Variants in RBFOX1 observed in about 807,000 individuals in gnomAD.
The protein encoded by RBFOX1 is RNA binding fox-1 homolog 1, also known as RNA binding protein fox-1 homolog 1.
A neutral mutation model predicts 57.7 loss-of-function variants in RBFOX1; 8 were observed. The observed-to-expected ratio is 0.14, with a 90% CI of 0.08 to 0.25. The LOEUF (loss-of-function observed/expected upper bound fraction) is 0.25, where lower values mean the gene tolerates loss of function less well. Ranked by LOEUF, RBFOX1 falls within the 10% of genes least tolerant of loss-of-function variation. The pLI is 1.00. For missense variants in RBFOX1, 611 were observed against 548.5 expected, an observed-to-expected ratio of 1.11 and a Z score of -1.14; for synonymous variants, 326 against 222.4, an observed-to-expected ratio of 1.47 and a Z score of -4.15.
intron 1 of RBFOX1, among the ~76,000 whole-genome samples, chr16:6,106,567 G>C (rs1426307603): frequency 6.6e-6 from 1 of 152,110 alleles, no homozygotes; most frequent in Non-Finnish European, 1.5e-5. Flanking sequence ...GACGGTCATG[G>C]ACTTTCGTTC....
rs79164968 is a variant in RBFOX1, at chr16:5,549,307, G to C, written c.259-49595G>C. Among the ~76,000 whole-genome samples the C allele has an allele frequency of 9.0e-3, 1,375 of 152,312 alleles. 10 individuals carry two copies. The highest frequency in any genetic ancestry group is 0.015 in the Non-Finnish European group (1,028 of 68,024). On this transcript the variant is annotated intron_variant, in intron 2 of 2. Transcript: ENST00000585867. ...TCACTCTCTGAGCTTGACTGTTCTT[G>C]GTTGAACTTTGCTTTCTCTCCTGGG...
intron 3 of RBFOX1, among the ~76,000 whole-genome samples, chr16:6,781,068 C>G (rs2080937772): frequency 2.6e-5 from 4 of 152,130 alleles, no homozygotes; most frequent in Admixed American, 2.6e-4. Context: ...AGTATTTACC[C>G]ACACCCATGT....
chr16:7,414,292 C>T (rs1568740338), intron 4 of RBFOX1, among the ~76,000 whole-genome samples: 2 of 152,106 alleles, frequency 1.3e-5, no homozygotes, highest in African/African-American at 4.8e-5. Flanking sequence ...ACAAGGAACT[C>T]TATGTTCACT....
intron 2 of RBFOX1, among the ~76,000 whole-genome samples, chr16:6,636,767 A>AATCTATGTT (rs1567981190): frequency 3.0e-5 from 1 of 32,902 alleles, no homozygotes; most frequent in Non-Finnish European, 5.6e-5. Flanking sequence ...TTATATATAT[A>AATCTATGTT]ATATATAATA....
At position 6,891,119 on chromosome 16, in the gene RBFOX1, T is replaced by A. The variant is rs141496271; in HGVS notation, c.-15-160938T>A. 3.3e-4 allele frequency among the ~76,000 whole-genome samples: 51 copies of A among 152,308 alleles called. 1 individual carries two copies. The highest frequency in any genetic ancestry group is 6.2e-4 in the Non-Finnish European group (42 of 68,030). The stretch of plus-strand genomic sequence containing the variant: ...TTCCAATATCCATCCATTCATTCAT[T>A]AGTGACTTTCAGTTAAAGCCTACTC... On this transcript the variant is annotated intron_variant, in intron 3 of 15. Coordinates refer to ENST00000550418, the MANE Select transcript of RBFOX1 (RefSeq NM_018723.4).
At chr16:7,358,972 A>C (rs776254905) in intron 4 of RBFOX1, among the ~76,000 whole-genome samples, 36 of 152,240 alleles carry the variant, frequency 2.4e-4, no homozygotes, top group Non-Finnish European at 4.6e-4. Context: ...ATAGACAATT[A>C]GATTAATGAT....
Position 5,274,796 on chromosome 16 carries a change from G to A in RBFOX1, c.219+34691G>A, listed in dbSNP as rs569065946. On this transcript the variant is annotated intron_variant, in intron 1 of 2. Transcript: ENST00000585867. ...GCAGGACAGGTAAGATCTGTCTCTG[G>A]CAGAGCCAGCCAGGTCTCCTTACCC... Among the ~76,000 whole-genome samples, 195 of 152,300 alleles carry A rather than the reference G, an allele frequency of 1.3e-3. 3 individuals are homozygous for A. Among genetic ancestry groups the A allele is most frequent in the East Asian group, 3.3e-3 (17 of 5,184 alleles).
At position 7,030,693 on chromosome 16, in the gene RBFOX1, T is replaced by G. The variant is rs115310695; in HGVS notation, c.-15-21364T>G. ...CTTATTTACATCTGTAAAGACTGTA[T>G]TTCCAAATAAGGCCACATTCTGAGG... On this transcript the variant is annotated intron_variant, in intron 3 of 15. Coordinates refer to ENST00000550418, the MANE Select transcript of RBFOX1 (RefSeq NM_018723.4). 4.3e-3 allele frequency among the ~76,000 whole-genome samples: 651 copies of G among 152,344 alleles called. 3 individuals are homozygous for G. Among genetic ancestry groups the G allele is most frequent in the African/African-American group, 0.014 (588 of 41,570 alleles).
intron 1 of RBFOX1, among the ~76,000 whole-genome samples, chr16:5,243,427 T>A (rs2062218295): frequency 6.6e-6 from 1 of 152,198 alleles, no homozygotes; most frequent in Non-Finnish European, 1.5e-5. Context: ...GGTATTTTCC[T>A]TCTTGCTGAG....
At chr16:6,921,663 G>T (rs1328570750) in intron 3 of RBFOX1, among the ~76,000 whole-genome samples, 3 of 148,138 alleles carry the variant, frequency 2.0e-5, no homozygotes, top group East Asian at 2.0e-4. Flanking sequence ...TTTTCTTAGG[G>T]TTGCTTTCAA....
chr16:7,068,547 C>G (rs926948740), intron 4 of RBFOX1, among the ~76,000 whole-genome samples: 2 of 152,160 alleles, frequency 1.3e-5, no homozygotes, highest in African/African-American at 2.4e-5. Flanking sequence ...GTTAGAATGT[C>G]TACCATAATA....
intron 4 of RBFOX1, among the ~76,000 whole-genome samples, chr16:7,188,505 T>C (rs1277646513): frequency 6.6e-6 from 1 of 152,162 alleles, no homozygotes; most frequent in Non-Finnish European, 1.5e-5. Context: ...AGAAAGGAAA[T>C]GTTTTGCTGT....
intron 1 of RBFOX1, among the ~76,000 whole-genome samples, chr16:6,268,933 A>G (rs1433080631): frequency 2.6e-5 from 4 of 152,210 alleles, no homozygotes; most frequent in African/African-American, 9.6e-5. Context: ...AGTTCCTGAT[A>G]TAAAATGGCA....
At chr16:5,313,861 C>G (rs2064158546) in intron 1 of RBFOX1, among the ~76,000 whole-genome samples, 1 of 152,144 alleles carries the variant, frequency 6.6e-6, no homozygotes, top group East Asian at 1.9e-4. Flanking sequence ...CACAGCCAAA[C>G]CATTTCAAAG....
chr16:6,575,576 G>C (rs2097421131), intron 2 of RBFOX1, among the ~76,000 whole-genome samples: 1 of 152,030 alleles, frequency 6.6e-6, no homozygotes, highest in African/African-American at 2.4e-5. Context: ...ATTAATAAAG[G>C]GCTAGGCACG....
At chr16:5,465,219 T>C (rs2068916760) in intron 1 of RBFOX1, among the ~76,000 whole-genome samples, 1 of 152,122 alleles carries the variant, frequency 6.6e-6, no homozygotes, top group Non-Finnish European at 1.5e-5. Flanking sequence ...CTCCTTGCCT[T>C]GTAGGTGGCC....
At chr16:6,899,509 G>T (rs2067921925) in intron 3 of RBFOX1, among the ~76,000 whole-genome samples, 1 of 152,168 alleles carries the variant, frequency 6.6e-6, no homozygotes, top group Non-Finnish European at 1.5e-5. Context: ...ACCATCTTGA[G>T]TGGAAAGGAA....
intron 4 of RBFOX1, among the ~76,000 whole-genome samples, chr16:7,172,723 C>T (rs1026386039): frequency 2.6e-4 from 40 of 152,146 alleles, no homozygotes; most frequent in African/African-American, 8.9e-4. Flanking sequence ...ATGATGAGTT[C>T]ACCTACATGG....
At chr16:5,933,699 T>C (rs11641550) in intron 4 of RBFOX1, among the ~76,000 whole-genome samples, 37,124 of 152,108 alleles carry the variant, frequency 0.24, 5,230 homozygotes, top group Middle Eastern at 0.48. Context: ...CCTGAAATAC[T>C]ATGTAGAGTT....
Sources: gnomAD v4.1 joint callset for allele counts (sites outside exome capture counted in the v4.1 genomes callset) on GRCh38, gnomAD v4.1.1 for gene constraint, MANE v1.5 for transcripts, NCBI Gene and HGNC (gene_info 2026-07-23, HGNC 2026-07-21) for gene names.